The following GRM7 variants were observed in gnomAD, a reference collection of about 807,000 sequenced individuals.
GRM7 encodes the protein metabotropic glutamate receptor 7.
In GRM7, 35 loss-of-function variants were observed where a neutral mutation model predicts 84.5. That is an observed-to-expected ratio of 0.41 (90% confidence interval 0.32 to 0.55). The LOEUF is 0.55. Ranked by LOEUF, GRM7 falls within the 20% of genes least tolerant of loss-of-function variation. The pLI is 0.19. For synonymous variants in GRM7, 487 were observed against 455.1 expected (o/e 1.07, Z -0.89); for missense variants, 1,003 against 1,194.6 (o/e 0.84, Z 2.36).
chr3:7,719,740 A>G (rs1055374968), intron 9 of GRM7, among the ~76,000 whole-genome samples: 4 of 151,004 alleles, frequency 2.6e-5, no homozygotes, highest in Middle Eastern at 3.2e-3. Context: ...TAAACCTGAG[A>G]GGCGGAGCTT....
chr3:7,712,643 T>TTTTG (rs71625352), intron 9 of GRM7, among the ~76,000 whole-genome samples: 14 of 151,360 alleles, frequency 9.2e-5, no homozygotes, highest in Admixed American at 2.0e-4. Flanking sequence ...TTGTTCTTTT[T>TTTTG]TTTGTTTGTT....
chr3:7,516,431 C>T (rs1412465820), intron 7 of GRM7, among the ~76,000 whole-genome samples: 4 of 128,730 alleles, frequency 3.1e-5, no homozygotes, highest in African/African-American at 5.9e-5. Context: ...GAGCCGATAT[C>T]GTGCCCCTGC....
intron 1 of GRM7, among the ~76,000 whole-genome samples, chr3:7,094,045 C>G (rs989312224): frequency 6.6e-6 from 1 of 152,064 alleles, no homozygotes; most frequent in African/African-American, 2.4e-5. Context: ...GATTTAACAA[C>G]TATTTATTGA....
At chr3:7,475,048 C>T (rs1180305056) in intron 7 of GRM7, among the ~76,000 whole-genome samples, 1 of 152,174 alleles carries the variant, frequency 6.6e-6, no homozygotes, top group Non-Finnish European at 1.5e-5. Context: ...CACAACTATT[C>T]AGTTGTAGGG....
chr3:7,559,551 G>A (rs1001717829), intron 7 of GRM7, among the ~76,000 whole-genome samples: 8 of 152,022 alleles, frequency 5.3e-5, no homozygotes, highest in Non-Finnish European at 1.2e-4. Context: ...ATCTTGGTAT[G>A]GATGTGTTTC....
At chr3:7,685,622 C>A (rs966170789) in intron 9 of GRM7, among the ~76,000 whole-genome samples, 1 of 152,022 alleles carries the variant, frequency 6.6e-6, no homozygotes, top group Non-Finnish European at 1.5e-5. Flanking sequence ...CAATTTGTAC[C>A]TGAAATACAA....
At chr3:7,721,909 G>A (rs555329817) in intron 9 of GRM7, among the ~76,000 whole-genome samples, 50 of 152,282 alleles carry the variant, frequency 3.3e-4, no homozygotes, top group African/African-American at 1.1e-3. Context: ...ACAAGATTTC[G>A]AGGTCACACT....
At chr3:7,698,347 T>A (rs1207889177) in intron 9 of GRM7, among the ~76,000 whole-genome samples, 2 of 152,238 alleles carry the variant, frequency 1.3e-5, no homozygotes, top group Non-Finnish European at 2.9e-5. Flanking sequence ...CCAGCCACTA[T>A]TCTGTGTACT....
At chr3:7,487,111 G>A (rs542652445) in intron 7 of GRM7, among the ~76,000 whole-genome samples, 167 of 152,262 alleles carry the variant, frequency 1.1e-3, no homozygotes, top group Non-Finnish European at 1.8e-3. Flanking sequence ...CTGTCCTAGG[G>A]CTTTATGGAA....
At position 7,165,748 on chromosome 3, in the gene GRM7, T is replaced by G. The variant is rs555882009; in HGVS notation, c.736+19080T>G. ...AAACATTTACCTTTTAACCATATAT[T>G]GCTGTTGCACTTTTTTAAAGCTCTA... On this transcript the variant is annotated intron_variant, in intron 2 of 9. Coordinates refer to ENST00000357716, the MANE Select transcript of GRM7 (RefSeq NM_000844.4). Among the ~76,000 whole-genome samples, 21 of 152,358 alleles carry G rather than the reference T, an allele frequency of 1.4e-4. 1 individual carries two copies. In the South Asian group the frequency reaches 4.1e-3, roughly 30 times the overall value.
chr3:7,215,668 A>AAAAT (rs71063288), intron 2 of GRM7, among the ~76,000 whole-genome samples: 40,563 of 150,114 alleles, frequency 0.27, 6,630 homozygotes, highest in Non-Finnish European at 0.38. Context: ...CTGTCTCAAA[A>AAAAT]AAATAAATAA....
At chr3:7,224,245 G>A (rs955906577) in intron 2 of GRM7, among the ~76,000 whole-genome samples, 11 of 152,152 alleles carry the variant, frequency 7.2e-5, no homozygotes, top group Admixed American at 3.9e-4. Context: ...AAGGGGGAGC[G>A]CATATATTAC....
At chr3:7,541,339 C>T (rs946070762) in intron 7 of GRM7, among the ~76,000 whole-genome samples, 4 of 151,936 alleles carry the variant, frequency 2.6e-5, no homozygotes, top group Non-Finnish European at 2.9e-5. Context: ...AAATTCAACT[C>T]GGGGCATGAT....
chr3:7,181,462 CA>C (rs1214916705), intron 2 of GRM7, among the ~76,000 whole-genome samples: 1 of 151,982 alleles, frequency 6.6e-6, no homozygotes, highest in Non-Finnish European at 1.5e-5. Flanking sequence ...TCCATATTCT[CA>C]TTTTTTTTTA....
intron 1 of GRM7, among the ~76,000 whole-genome samples, chr3:6,889,216 C>T (rs1191680065): frequency 6.6e-6 from 1 of 152,102 alleles, no homozygotes; most frequent in Admixed American, 6.5e-5. Context: ...AATTGAATGC[C>T]CTTTATTTCC....
intron 9 of GRM7, among the ~76,000 whole-genome samples, chr3:7,726,110 A>G (rs1476442107): frequency 1.3e-5 from 2 of 152,198 alleles, no homozygotes; most frequent in East Asian, 1.9e-4. Flanking sequence ...GTCAGAATCT[A>G]TAACAGTGGT....
chr3:7,189,755 C>T (rs938788455), intron 2 of GRM7, among the ~76,000 whole-genome samples: 1 of 152,014 alleles, frequency 6.6e-6, no homozygotes, highest in African/African-American at 2.4e-5. Context: ...ATTCTTGACA[C>T]CTATATTTTT....
chr3:7,051,869 A>T (rs1383053816), intron 1 of GRM7, among the ~76,000 whole-genome samples: 2 of 151,810 alleles, frequency 1.3e-5, no homozygotes, highest in African/African-American at 4.8e-5. Flanking sequence ...TGTAATCTCT[A>T]CATCAATGGG....
chr3:6,885,994 T>A (rs1263999402), intron 1 of GRM7, among the ~76,000 whole-genome samples: 1 of 152,230 alleles, frequency 6.6e-6, no homozygotes, highest in East Asian at 1.9e-4. Context: ...AATTTGTATA[T>A]ATTCAACATG....
Sources: gnomAD v4.1 joint callset for allele counts (sites outside exome capture counted in the v4.1 genomes callset) on GRCh38, gnomAD v4.1.1 for gene constraint, MANE v1.5 for transcripts, NCBI Gene and HGNC (gene_info 2026-07-23, HGNC 2026-07-21) for gene names.